Variants in CPNE4 observed in about 807,000 individuals in gnomAD.
CPNE4 encodes the protein copine-4.
In CPNE4, 25 loss-of-function variants were observed where a neutral mutation model predicts 67.9. The ratio of observed to expected loss-of-function variants is 0.37; its 90% CI spans 0.27 to 0.51. CPNE4 has a LOEUF of 0.51. CPNE4 is among the 20% of genes least tolerant of loss of function. CPNE4 has a pLI of 0.93. For missense variants in CPNE4, 464 were observed against 690.8 expected (o/e 0.67, Z 3.68); for synonymous variants, 242 against 244.9 (o/e 0.99, Z 0.11).
At chr3:131,701,639 A>C (rs1433696919) in intron 3 of CPNE4, among the ~76,000 whole-genome samples, 1 of 152,176 alleles carries the variant, frequency 6.6e-6, no homozygotes, top group Non-Finnish European at 1.5e-5. Context: ...TCTCTGGCTA[A>C]CAGCCAGGAG....
chr3:131,814,197 G>A (rs2084642197), intron 2 of CPNE4, among the ~76,000 whole-genome samples: 1 of 152,182 alleles, frequency 6.6e-6, no homozygotes, highest in South Asian at 2.1e-4. Context: ...CCCAGTCTCA[G>A]AGGCTTAAAA....
chr3:131,786,913 A>G (rs2083580294), intron 2 of CPNE4, among the ~76,000 whole-genome samples: 1 of 152,170 alleles, frequency 6.6e-6, no homozygotes, highest in Non-Finnish European at 1.5e-5. Context: ...GAATGATGCT[A>G]TCCTTCTACA....
At chr3:131,722,636 C>A (rs1416404809) in intron 3 of CPNE4, among the ~76,000 whole-genome samples, 1 of 151,996 alleles carries the variant, frequency 6.6e-6, no homozygotes, top group African/African-American at 2.4e-5. Context: ...TATAGAGAGC[C>A]CAGGGTATTT....
intron 7 of CPNE4, among the ~76,000 whole-genome samples, chr3:131,639,914 AT>A (rs1276752782): frequency 6.6e-5 from 10 of 152,204 alleles, no homozygotes; most frequent in Non-Finnish European, 1.0e-4. Flanking sequence ...AAATTACATG[AT>A]TATCTCAATA....
chr3:131,983,707 G>T (rs1312417597), intron 1 of CPNE4, among the ~76,000 whole-genome samples: 1 of 152,140 alleles, frequency 6.6e-6, no homozygotes, highest in Non-Finnish European at 1.5e-5. Flanking sequence ...ATTTTCTATA[G>T]ATGATTTTCC....
intron 1 of CPNE4, among the ~76,000 whole-genome samples, chr3:131,975,221 A>G (rs1447749737): frequency 6.6e-6 from 1 of 152,134 alleles, no homozygotes; most frequent in Non-Finnish European, 1.5e-5. Context: ...CCCTTTCAAC[A>G]CTAAGCCTGC....
At chr3:132,033,390 A>AGT (rs1010002261) in intron 1 of CPNE4, among the ~76,000 whole-genome samples, 3 of 111,652 alleles carry the variant, frequency 2.7e-5, no homozygotes, top group African/African-American at 9.7e-5. Context: ...AGAGTGTGTG[A>AGT]GTGTGTGTGT....
intron 1 of CPNE4, among the ~76,000 whole-genome samples, chr3:131,933,050 G>A (rs538265889): frequency 6.6e-5 from 10 of 152,222 alleles, no homozygotes; most frequent in African/African-American, 2.4e-4. Context: ...GGTCAACATG[G>A]CTGACACACT....
intron 10 of CPNE4, among the ~76,000 whole-genome samples, chr3:131,567,547 C>G (rs183719753): frequency 2.0e-5 from 3 of 152,096 alleles, no homozygotes; most frequent in Non-Finnish European, 4.4e-5. Context: ...TTAAATTTTG[C>G]ACCCCAGGTA....
intron 1 of CPNE4, among the ~76,000 whole-genome samples, chr3:131,907,747 A>G (rs536973780): frequency 5.9e-5 from 9 of 152,120 alleles, no homozygotes; most frequent in Admixed American, 1.3e-4. Flanking sequence ...ACAAAGCCTA[A>G]AATATTTATT....
chr3:131,847,309 T>C (rs2086039993), intron 2 of CPNE4, among the ~76,000 whole-genome samples: 1 of 152,214 alleles, frequency 6.6e-6, no homozygotes, highest in South Asian at 2.1e-4. Context: ...CCTTTACCTC[T>C]CTGTCTCTCC....
chr3:131,687,299 G>T (rs1560115935), intron 5 of CPNE4, among the ~76,000 whole-genome samples: 1 of 152,130 alleles, frequency 6.6e-6, no homozygotes, highest in Non-Finnish European at 1.5e-5. Flanking sequence ...TCAAAGAGGA[G>T]AAACTTTATT....
chr3:131,823,742 C>T (rs1010046211), intron 2 of CPNE4, among the ~76,000 whole-genome samples: 14 of 152,142 alleles, frequency 9.2e-5, no homozygotes, highest in Admixed American at 5.2e-4. Context: ...GATAAGCATA[C>T]GCTACAGAGT....
intron 1 of CPNE4, among the ~76,000 whole-genome samples, chr3:132,026,867 A>T (rs986411443): frequency 5.0e-5 from 4 of 80,782 alleles, no homozygotes; most frequent in Non-Finnish European, 1.2e-4. Context: ...CATTTTTACA[A>T]ATGAGGAAAT....
intron 2 of CPNE4, among the ~76,000 whole-genome samples, chr3:131,810,869 T>C (rs1245614615): frequency 2.0e-5 from 3 of 151,982 alleles, no homozygotes; most frequent in African/African-American, 7.2e-5. Context: ...AAGAAGGAAA[T>C]CATGCCATTT....
intron 2 of CPNE4, among the ~76,000 whole-genome samples, chr3:131,826,590 T>C (rs1423995159): frequency 6.6e-6 from 1 of 152,230 alleles, no homozygotes; most frequent in Non-Finnish European, 1.5e-5. Context: ...TTGTTCGCTT[T>C]TTCTCGCTGT....
intron 11 of CPNE4, among the ~76,000 whole-genome samples, chr3:131,557,409 C>G (rs1228707796): frequency 6.6e-6 from 1 of 152,068 alleles, no homozygotes; most frequent in Admixed American, 6.6e-5. Context: ...AGTAGCAAAG[C>G]TAGATTCTCC....
intron 1 of CPNE4, among the ~76,000 whole-genome samples, chr3:132,014,883 AT>A (rs1475376706): frequency 6.6e-6 from 1 of 152,188 alleles, no homozygotes. Context: ...AACCAAGAAT[AT>A]TTTAAAATGG....
chr3:131,738,976 T>C (rs1251490513), intron 2 of CPNE4, among the ~76,000 whole-genome samples: 1 of 151,528 alleles, frequency 6.6e-6, no homozygotes, highest in African/African-American at 2.4e-5. Context: ...TGCCTCAGCC[T>C]CCCAAGAAGT....
Sources: allele counts gnomAD v4.1 joint callset (sites outside exome capture counted in the v4.1 genomes callset), GRCh38; gene constraint gnomAD v4.1.1; transcripts MANE v1.5; gene names NCBI Gene and HGNC (gene_info 2026-07-23, HGNC 2026-07-21).